EIF2AK1: variants seen among roughly 807,000 people sequenced by gnomAD.
The protein encoded by EIF2AK1 is eukaryotic translation initiation factor 2-alpha kinase 1.
Under a neutral mutation model 77.9 loss-of-function variants are expected in EIF2AK1, and 54 were observed. That is an observed-to-expected ratio of 0.69 (90% CI 0.56 to 0.87). The LOEUF (loss-of-function observed/expected upper bound fraction) is 0.87. Ranked by LOEUF, EIF2AK1 falls within the 40% of genes least tolerant of loss-of-function variation. The probability of loss-of-function intolerance (pLI) is 0.00; values close to 1 mark genes in which losing one functional copy is unlikely to be tolerated. For synonymous variants in EIF2AK1, 314 were observed against 290.5 expected (o/e 1.08, Z -0.82); for missense variants, 810 against 768.6 (o/e 1.05, Z -0.64).
At chr7:6,044,449 T>G (rs1788390262) in intron 7 of EIF2AK1, 113 bp downstream of exon 7, 2 of 829,720 alleles carry the variant, frequency 2.4e-6, no homozygotes, top group Non-Finnish European at 3.7e-6. Context: ...AAAAAAAATA[T>G]GTAAAAACCA....
intron 1 of EIF2AK1, among the ~76,000 whole-genome samples, chr7:6,057,127 T>A (rs1015210375): frequency 7.0e-5 from 5 of 71,458 alleles, no homozygotes; most frequent in Non-Finnish European, 1.3e-4. Flanking sequence ...ACCCCATCTC[T>A]TTTTTTTTTT....
At chr7:6,041,253 A>C in intron 8 of EIF2AK1, 34 bp from the exon 9 acceptor site, 1 of 1,567,766 alleles carries the variant, frequency 6.4e-7, no homozygotes, top group Non-Finnish European at 8.6e-7. Flanking sequence ...CATAAAAGTC[A>C]ATGGGCCGAG....
In EIF2AK1 at chr7:6,035,518, C is replaced by T; in HGVS notation, c.1332+1906G>A. On this transcript the variant is annotated intron_variant, in intron 11 of 14. Coordinates refer to ENST00000199389, the MANE Select transcript of EIF2AK1 (RefSeq NM_014413.4). The surrounding 1 kb of genome is among the most constrained non-coding windows in gnomAD (Gnocchi z 5.5). ...GTCACTTCCACCACGTGGGCAAAAC[C>T]AGGCAACAGAACGCACAGGATCCTG... 6.4e-7 allele frequency: 1 copy of T among 1,551,204 alleles called. No individual in the cohort carries two copies. The highest frequency in any genetic ancestry group is 2.4e-5 in the East Asian group (1 of 40,922).
intron 4 of EIF2AK1, among the ~76,000 whole-genome samples, chr7:6,048,222 C>G (rs1026159178): frequency 1.3e-5 from 2 of 152,080 alleles, no homozygotes; most frequent in African/African-American, 2.4e-5. Flanking sequence ...AACCCTATAT[C>G]CATTAGCTTT....
At chr7:6,056,274 C>T (rs539510677) in intron 1 of EIF2AK1, among the ~76,000 whole-genome samples, 6 of 108,848 alleles carry the variant, frequency 5.5e-5, no homozygotes, top group African/African-American at 7.3e-5. Flanking sequence ...GCCCGGGCAA[C>T]GGTGTGAGAC....
At chr7:6,058,450 A>T in intron 1 of EIF2AK1, among the ~76,000 whole-genome samples, 1 of 152,080 alleles carries the variant, frequency 6.6e-6, no homozygotes, top group Non-Finnish European at 1.5e-5. Flanking sequence ...TAAACCAAAG[A>T]CGTTTATTTA....
In EIF2AK1 at chr7:6,059,114, C is replaced by G; in HGVS notation, c.-31G>C. 1 of 1,331,256 alleles carries G rather than the reference C, an allele frequency of 7.5e-7. No homozygotes were observed. The highest frequency in any genetic ancestry group is 9.7e-7 in the Non-Finnish European group (1 of 1,036,252). The allele number at this position is 1,331,256 out of a possible 1,614,324, so 82.5% of individuals were successfully genotyped here. A position where few individuals can be genotyped will look rare whatever the true frequency, so the allele number is the denominator to read the frequency against. ...GCCGCGCGCGGGCCGCAGCCCAGCC[C>G]GCCGGCCAGCCCAGCACTGCCACAC... On this transcript the variant is annotated 5_prime_UTR_variant, in exon 1 of 15. Coordinates refer to ENST00000199389, the MANE Select transcript of EIF2AK1 (RefSeq NM_014413.4).
Position 6,035,216 on chromosome 7 carries a change from C to T in EIF2AK1, c.1332+2208G>A, listed in dbSNP as rs972675823. Among the ~76,000 whole-genome samples the T allele has an allele frequency of 6.6e-6, 1 of 151,954 alleles. No homozygotes were observed. The highest frequency in any genetic ancestry group is 1.5e-5 in the Non-Finnish European group (1 of 67,968). ...TTTTCAAAAAAAAAAATTATATATA[C>T]ATAAAATGAAGCTAGGCCCCATCAC... On this transcript the variant is annotated intron_variant, in intron 11 of 14. Transcript: ENST00000199389. The surrounding 1 kb of genome is among the most constrained non-coding windows in gnomAD (Gnocchi z 5.5).
chr7:6,029,832 A>T (rs1442722140), intron 11 of EIF2AK1, among the ~76,000 whole-genome samples: 2 of 151,780 alleles, frequency 1.3e-5, no homozygotes, highest in African/African-American at 4.8e-5. Flanking sequence ...AAAATACAAA[A>T]ATTAGCCAGG....
chr7:6,041,713 C>T (rs1405586026), intron 8 of EIF2AK1, among the ~76,000 whole-genome samples: 2 of 151,868 alleles, frequency 1.3e-5, no homozygotes, highest in South Asian at 4.1e-4. Context: ...TGGTGGCATG[C>T]GCCTATAGTC....
chr7:6,051,755 C>G (rs1490314288), intron 2 of EIF2AK1, among the ~76,000 whole-genome samples: 3 of 151,584 alleles, frequency 2.0e-5, no homozygotes, highest in African/African-American at 7.3e-5. Context: ...ATCAAAAACT[C>G]TACAGTTATG....
Position 6,024,527 on chromosome 7 carries a change from G to A in EIF2AK1, c.*146C>T. On this transcript the variant is annotated 3_prime_UTR_variant, in exon 15 of 15. Coordinates refer to ENST00000199389, the MANE Select transcript of EIF2AK1 (RefSeq NM_014413.4). ...AAAAGGAGCTTGTGGGGCAGGAAGGGAAGGAACGGCAGCTTGGGGCACTCT... is the reference window on the plus strand; with the variant it reads ...AAAAGGAGCTTGTGGGGCAGGAAGGAAAGGAACGGCAGCTTGGGGCACTCT... 1 of 1,457,470 alleles carries A rather than the reference G, an allele frequency of 6.9e-7. No individual in the cohort carries two copies. The highest frequency in any genetic ancestry group is 9.0e-7 in the Non-Finnish European group (1 of 1,112,012). 90.3% of individuals were successfully genotyped at this position (1,457,470 alleles called of 1,614,324 possible).
At chr7:6,045,721 A>G (rs765462304) in intron 6 of EIF2AK1, among the ~76,000 whole-genome samples, 1 of 144,680 alleles carries the variant, frequency 6.9e-6, no homozygotes, top group Admixed American at 6.9e-5. Flanking sequence ...AGAAGTTAAC[A>G]TATTTTAAAA....
At position 6,032,755 on chromosome 7, in the gene EIF2AK1, T is replaced by C. The variant is rs187788384; in HGVS notation, c.1333-3723A>G. ...GCCAATGAGACACTAAATAAATGTA[T>C]TGCCTTTGAAACGGCAAGCTAACAC... On this transcript the variant is annotated intron_variant, in intron 11 of 14. Transcript: ENST00000199389. This position sits in a 1 kb window ranked among gnomAD's most constrained non-coding sequence, Gnocchi z 4.3. The C allele has an allele frequency of 8.0e-4, 905 of 1,130,364 alleles. 5 individuals are homozygous for C. Among genetic ancestry groups the C allele is most frequent in the South Asian group, 1.1e-3 (78 of 71,280 alleles). The allele number at this position is 1,130,364 out of a possible 1,614,324, so 70.0% of individuals were successfully genotyped here.
intron 1 of EIF2AK1, among the ~76,000 whole-genome samples, chr7:6,055,955 C>T (rs576010035): frequency 1.7e-4 from 23 of 137,450 alleles, no homozygotes; most frequent in Non-Finnish European, 3.3e-4. Context: ...TGCACTCCAG[C>T]CTGGGCAACA....
At chr7:6,052,557 GTATC>G (rs1788635642) in intron 2 of EIF2AK1, among the ~76,000 whole-genome samples, 1 of 103,058 alleles carries the variant, frequency 9.7e-6, no homozygotes, top group Admixed American at 1.3e-4. Context: ...CCACATAAAA[GTATC>G]TATAAGTTTG....
Position 6,050,058 on chromosome 7 carries a change from T to C in EIF2AK1, c.278-13A>G, listed in dbSNP as rs772637200. 1.9e-6 allele frequency: 3 copies of C among 1,586,344 alleles called. No individual in the cohort carries two copies. Among genetic ancestry groups the C allele is most frequent in the Non-Finnish European group, 2.6e-6 (3 of 1,169,764 alleles). On this transcript the variant is annotated splice_polypyrimidine_tract_variant and intron_variant, in intron 2 of 14. Transcript: ENST00000199389. ...GTCTGGCAAAGTACTATAAAAAGAA[T>C]ATGAAAAACTATTATTAGAAACATC...
At position 6,043,012 on chromosome 7, in the gene EIF2AK1, C is replaced by T. The variant is rs373392401; in HGVS notation, c.731-19G>A. 2.5e-6 allele frequency: 4 copies of T among 1,613,196 alleles called. No individual in the cohort carries two copies. In the East Asian group the frequency reaches 6.7e-5, roughly 27 times the overall value. On this transcript the variant is annotated intron_variant, in intron 7 of 14. Transcript: ENST00000199389. ...CTGTCTGCTGAATGAAAACAAACAA[C>T]AATCATCTTCAAACAGCCCAGTTTT...
chr7:6,030,447 C>T (rs994328656), intron 11 of EIF2AK1, among the ~76,000 whole-genome samples: 1 of 152,160 alleles, frequency 6.6e-6, no homozygotes, highest in South Asian at 2.1e-4. Flanking sequence ...CTTTGTGCCT[C>T]TAAGTTCACT....
Sources: gnomAD v4.1 joint callset for allele counts (sites outside exome capture counted in the v4.1 genomes callset) on GRCh38, gnomAD v4.1.1 for gene constraint, Gnocchi (gnomAD v3.1) non-coding constraint, MANE v1.5 for transcripts, NCBI Gene and HGNC (gene_info 2026-07-23, HGNC 2026-07-21) for gene names.